Variants in PHACTR1 observed in about 807,000 individuals in gnomAD.
PHACTR1 encodes phosphatase and actin regulator 1.
In PHACTR1, 16 loss-of-function variants were observed where a neutral mutation model predicts 69.2. The ratio of observed to expected loss-of-function variants is 0.23; its 90% CI spans 0.16 to 0.35. The LOEUF (loss-of-function observed/expected upper bound fraction) is 0.35. Among genes scored for constraint, PHACTR1 ranks in the 10% least tolerant of loss-of-function variants. The probability of loss-of-function intolerance (pLI) is 1.00; values close to 1 mark genes in which losing one functional copy is unlikely to be tolerated. For synonymous variants in PHACTR1, 312 were observed against 284.5 expected (o/e 1.10, Z -0.97); for missense variants, 510 against 734.7 (o/e 0.69, Z 3.54).
chr6:12,971,239 C>T (rs1026526334), intron 4 of PHACTR1, among the ~76,000 whole-genome samples: 1 of 152,156 alleles, frequency 6.6e-6, no homozygotes, highest in Non-Finnish European at 1.5e-5. Context: ...CCATCTTCAC[C>T]CAACACTAGC....
At chr6:13,077,091 TA>T (rs555770797) in intron 5 of PHACTR1, among the ~76,000 whole-genome samples, 4,659 of 72,382 alleles carry the variant, frequency 0.064, 93 homozygotes, top group Middle Eastern at 0.085. Flanking sequence ...TAAAGTATAA[TA>T]AAAAAAAAAA....
chr6:13,141,586 C>T (rs956872599), intron 5 of PHACTR1, among the ~76,000 whole-genome samples: 1 of 152,118 alleles, frequency 6.6e-6, no homozygotes, highest in Non-Finnish European at 1.5e-5. Flanking sequence ...TGCCCTGTCT[C>T]GCTGCCTTGT....
rs554550738 is a variant in PHACTR1 at position 12,838,179 on chromosome 6, G to A, written c.250+88389G>A. Among the ~76,000 whole-genome samples, 10 of 152,296 alleles carry A rather than the reference G, an allele frequency of 6.6e-5. No homozygotes were observed. The South Asian group carries it at 1.2e-3, about 19-fold the overall frequency. On this transcript the variant is annotated intron_variant, in intron 4 of 14. Coordinates refer to ENST00000332995, the MANE Select transcript of PHACTR1 (RefSeq NM_030948.6). ...ATTACAGAAGTGACAGCCCGTCCCCGTGGCTATAACATACCGAGTAAAAAC... is the reference window on the plus strand; with the variant it reads ...ATTACAGAAGTGACAGCCCGTCCCCATGGCTATAACATACCGAGTAAAAAC...
chr6:13,185,132 G>A, intron 7 of PHACTR1: 1 of 638,402 alleles, frequency 1.6e-6, no homozygotes, highest in Non-Finnish European at 2.3e-6. Context: ...GGATGTTTGG[G>A]TGTTTCTGTG....
intron 4 of PHACTR1, among the ~76,000 whole-genome samples, chr6:12,949,699 A>G (rs73723312): frequency 6.6e-6 from 1 of 152,338 alleles, no homozygotes; most frequent in African/African-American, 2.4e-5. Context: ...TTAAGTATTA[A>G]CGTCCTTTTA....
intron 4 of PHACTR1, among the ~76,000 whole-genome samples, chr6:12,864,362 G>T (rs1396084254): frequency 1.3e-5 from 2 of 152,180 alleles, no homozygotes; most frequent in Non-Finnish European, 2.9e-5. Context: ...AAAGGGTGTT[G>T]CTGTTTGCGA....
intron 8 of PHACTR1, among the ~76,000 whole-genome samples, chr6:13,207,086 TGCAC>T (rs1470621429): frequency 6.6e-6 from 1 of 152,218 alleles, no homozygotes; most frequent in East Asian, 1.9e-4. Flanking sequence ...CACACGCACA[TGCAC>T]GCACATATTG....
intron 6 of PHACTR1, among the ~76,000 whole-genome samples, chr6:13,163,742 A>C (rs1759386515): frequency 1.3e-5 from 2 of 152,174 alleles, no homozygotes; most frequent in Non-Finnish European, 2.9e-5. Flanking sequence ...TAGCTGTGCA[A>C]CTTTAGTCAA....
At chr6:13,141,728 T>C (rs908998975) in intron 5 of PHACTR1, among the ~76,000 whole-genome samples, 7 of 149,924 alleles carry the variant, frequency 4.7e-5, no homozygotes, top group Non-Finnish European at 4.5e-5. Context: ...TTCTTTCTTT[T>C]TTTTTTTTTT....
At chr6:12,796,175 C>T (rs1336751853) in intron 4 of PHACTR1, among the ~76,000 whole-genome samples, 2 of 152,166 alleles carry the variant, frequency 1.3e-5, no homozygotes, top group East Asian at 1.9e-4. Flanking sequence ...TCTAAATATG[C>T]ATTTGCTTTT....
intron 5 of PHACTR1, among the ~76,000 whole-genome samples, chr6:13,077,655 C>T (rs953396351): frequency 6.6e-5 from 10 of 152,122 alleles, no homozygotes; most frequent in Non-Finnish European, 1.5e-4. Context: ...ATGATCACAG[C>T]TGGCCTTTGG....
rs561433405 is a variant in PHACTR1 at position 12,783,834 on chromosome 6, T to C, written c.250+34044T>C. On this transcript the variant is annotated intron_variant, in intron 4 of 14. Transcript: ENST00000332995. ...ACTATATCATGTTAAATAAATAAAA[T>C]AGTGAAATAATAAATATCAGCACTG... 7.2e-5 allele frequency among the ~76,000 whole-genome samples: 11 copies of C among 152,258 alleles called. No homozygotes were observed. In the South Asian group the frequency reaches 1.0e-3, roughly 14 times the overall value.
At chr6:12,861,520 A>G (rs1780937378) in intron 4 of PHACTR1, among the ~76,000 whole-genome samples, 1 of 152,240 alleles carries the variant, frequency 6.6e-6, no homozygotes, top group South Asian at 2.1e-4. Flanking sequence ...AAACTCCTTT[A>G]CCAATGACTT....
chr6:12,884,585 T>C (rs1025644533), intron 4 of PHACTR1, among the ~76,000 whole-genome samples: 2 of 152,012 alleles, frequency 1.3e-5, no homozygotes, highest in African/African-American at 4.8e-5. Context: ...GTATTTTTAG[T>C]AGAGACAGGG....
chr6:12,780,581 A>G (rs566764127), intron 4 of PHACTR1, among the ~76,000 whole-genome samples: 1 of 152,286 alleles, frequency 6.6e-6, no homozygotes, highest in Admixed American at 6.5e-5. Context: ...TAAAGAATCA[A>G]AGCCTAGTAC....
chr6:12,925,064 A>C (rs1788127572), intron 4 of PHACTR1, among the ~76,000 whole-genome samples: 1 of 152,202 alleles, frequency 6.6e-6, no homozygotes, highest in Non-Finnish European at 1.5e-5. Flanking sequence ...TTTCTTATTT[A>C]TCTTGGCATA....
At chr6:12,885,017 A>T (rs1783495680) in intron 4 of PHACTR1, among the ~76,000 whole-genome samples, 1 of 152,220 alleles carries the variant, frequency 6.6e-6, no homozygotes, top group Non-Finnish European at 1.5e-5. Flanking sequence ...GAACAGGACC[A>T]TCTACCTTGT....
intron 4 of PHACTR1, among the ~76,000 whole-genome samples, chr6:12,854,230 C>A (rs889404281): frequency 5.3e-5 from 8 of 152,148 alleles, no homozygotes; most frequent in Non-Finnish European, 1.0e-4. Flanking sequence ...TAAAATGGAA[C>A]AATAAATGCC....
chr6:13,179,262 A>AGTACTGATATAT lies in PHACTR1; in HGVS notation c.497-3257_497-3256insGTACTGATATAT. ...AACAAACAGCAACAACAACAACAAC[A>AGTACTGATATAT]AACCCAGTACTGATATATAAATAGC... is the stretch of plus-strand genomic sequence containing the variant. On this transcript the variant is annotated intron_variant, in intron 6 of 14. Coordinates refer to ENST00000332995, the MANE Select transcript of PHACTR1 (RefSeq NM_030948.6). This position sits in a 1 kb window ranked among gnomAD's most constrained non-coding sequence, Gnocchi z 4.2. Among the ~76,000 whole-genome samples, 1 of 152,058 alleles carries AGTACTGATATAT rather than the reference A, an allele frequency of 6.6e-6. No individual in the cohort carries two copies. Among genetic ancestry groups the AGTACTGATATAT allele is most frequent in the Non-Finnish European group, 1.5e-5 (1 of 67,994 alleles).
Sources: allele counts gnomAD v4.1 joint callset (sites outside exome capture counted in the v4.1 genomes callset), GRCh38; gene constraint gnomAD v4.1.1; non-coding constraint Gnocchi (gnomAD v3.1); transcripts MANE v1.5; gene names NCBI Gene and HGNC (gene_info 2026-07-23, HGNC 2026-07-21).